The following ZSWIM5 variants were observed in gnomAD, a reference collection of about 807,000 sequenced individuals.
The protein encoded by ZSWIM5 is zinc finger SWIM-type containing 5, also known as zinc finger SWIM domain-containing protein 5.
A neutral mutation model predicts 119.6 loss-of-function variants in ZSWIM5; 55 were observed. The ratio of observed to expected loss-of-function variants is 0.46; its 90% CI spans 0.37 to 0.58. The LOEUF is 0.58. Ranked by LOEUF, ZSWIM5 falls within the 20% of genes least tolerant of loss-of-function variation. ZSWIM5 has a pLI of 0.00. For missense variants in ZSWIM5, 1,193 were observed against 1,512.8 expected (o/e 0.79, Z 3.51); for synonymous variants, 537 against 606.9 (o/e 0.88, Z 1.69).
chr1:45,024,472 G>A (rs1247313745), intron 11 of ZSWIM5, among the ~76,000 whole-genome samples: 3 of 151,876 alleles, frequency 2.0e-5, no homozygotes, highest in East Asian at 3.9e-4. Flanking sequence ...GATTACAGGC[G>A]TGAGCCACTG....
At chr1:45,111,708 G>A (rs950663889) in intron 1 of ZSWIM5, among the ~76,000 whole-genome samples, 17 of 152,220 alleles carry the variant, frequency 1.1e-4, no homozygotes, top group African/African-American at 4.1e-4. Flanking sequence ...ATCTTACGCT[G>A]TATCAATCTG....
rs139548010 is a variant in ZSWIM5 at position 45,048,033 on chromosome 1, G to GTTTCTTTCTTTCTTTC, written c.1432+3025_1432+3040dup. Among the ~76,000 whole-genome samples, 112 of 128,224 alleles carry GTTTCTTTCTTTCTTTC rather than the reference G, an allele frequency of 8.7e-4. 2 individuals carry two copies. The highest frequency in any genetic ancestry group is 1.6e-3 in the African/African-American group (55 of 34,580). The allele number at this position is 128,224 out of a possible 152,430, so 84.1% of individuals were successfully genotyped here. A position where few individuals can be genotyped will look rare whatever the true frequency, so the allele number is the denominator to read the frequency against. ...TAAAATAAGACCAGTTATTATGGTT[G>GTTTCTTTCTTTCTTTC]TTTCTTTCTTTCTTTCTTTCTTTCT... On this transcript the variant is annotated intron_variant, in intron 5 of 13. Transcript: ENST00000359600.
chr1:45,160,836 T>C (rs1244230223), intron 1 of ZSWIM5, among the ~76,000 whole-genome samples: 2 of 149,972 alleles, frequency 1.3e-5, no homozygotes, highest in African/African-American at 4.9e-5. Flanking sequence ...TTTTTTTTTT[T>C]TTTTAGACGG....
chr1:45,070,304 GAAGT>G (rs775772657), intron 2 of ZSWIM5: 22 of 1,437,908 alleles, frequency 1.5e-5, no homozygotes, highest in Non-Finnish European at 2.2e-5. Context: ...TGGTGATGAG[GAAGT>G]AAGACGCCAC....
chr1:45,058,875 A>G, intron 3 of ZSWIM5, 116 bp from the exon 4 acceptor site: 1 of 1,192,014 alleles, frequency 8.4e-7, no homozygotes, highest in East Asian at 2.3e-5. Context: ...CATATCCAAA[A>G]GAGCCAGAAA....
chr1:45,175,181 G>T (rs1437291857), intron 1 of ZSWIM5, among the ~76,000 whole-genome samples: 2 of 152,098 alleles, frequency 1.3e-5, no homozygotes, highest in East Asian at 3.9e-4. Context: ...AGTAGTGCCT[G>T]TTATTTCATC....
chr1:45,180,239 G>A (rs1376495910), intron 1 of ZSWIM5, among the ~76,000 whole-genome samples: 1 of 152,144 alleles, frequency 6.6e-6, no homozygotes, highest in Non-Finnish European at 1.5e-5. Flanking sequence ...CGAATACTGC[G>A]CTTTTCCGAC....
At chr1:45,098,972 C>T (rs549987526) in intron 1 of ZSWIM5, among the ~76,000 whole-genome samples, 29 of 152,278 alleles carry the variant, frequency 1.9e-4, no homozygotes, top group African/African-American at 6.3e-4. Flanking sequence ...GACACCTTAA[C>T]ATCACAATTA....
intron 1 of ZSWIM5, among the ~76,000 whole-genome samples, chr1:45,148,811 A>G (rs1463588946): frequency 6.6e-6 from 1 of 152,260 alleles, no homozygotes. Flanking sequence ...CCTCAAAGGT[A>G]GACACTGAAC....
At chr1:45,074,579 T>A (rs1396392162) in intron 2 of ZSWIM5, among the ~76,000 whole-genome samples, 1 of 151,948 alleles carries the variant, frequency 6.6e-6, no homozygotes, top group African/African-American at 2.4e-5. Context: ...GTCTCCTTTT[T>A]CATCTCTGAT....
At chr1:45,171,006 C>T (rs898789223) in intron 1 of ZSWIM5, among the ~76,000 whole-genome samples, 12 of 152,064 alleles carry the variant, frequency 7.9e-5, no homozygotes, top group Non-Finnish European at 1.5e-4. Context: ...ATAGTAATTA[C>T]ATTTATTTCA....
chr1:45,155,258 T>C (rs568047852), intron 1 of ZSWIM5, among the ~76,000 whole-genome samples: 9 of 151,882 alleles, frequency 5.9e-5, no homozygotes, highest in Admixed American at 3.3e-4. Flanking sequence ...GATATACAAA[T>C]GACAAACAAA....
chr1:45,199,569 G>A (rs1425362918), intron 1 of ZSWIM5, among the ~76,000 whole-genome samples: 3 of 152,130 alleles, frequency 2.0e-5, no homozygotes, highest in African/African-American at 7.2e-5. Context: ...AAAGTGCTGG[G>A]AGTGAGCCAC....
At chr1:45,162,916 C>A (rs994331496) in intron 1 of ZSWIM5, among the ~76,000 whole-genome samples, 6 of 152,358 alleles carry the variant, frequency 3.9e-5, no homozygotes, top group African/African-American at 1.4e-4. Flanking sequence ...GAACAAAAGG[C>A]AGCAGAAACT....
At chr1:45,104,067 T>C (rs928940966) in intron 1 of ZSWIM5, among the ~76,000 whole-genome samples, 1 of 152,174 alleles carries the variant, frequency 6.6e-6, no homozygotes, top group African/African-American at 2.4e-5. Context: ...CTGAGAAAGC[T>C]TCCTCTTGAA....
Position 45,060,104 on chromosome 1 carries a change from C to T in ZSWIM5, c.1096G>A (p.Ala366Thr). Residue 366 changes from alanine (A) to threonine (T), a missense_variant, in exon 3 of 14, where the codon GCC becomes ACC. Physicochemically the swap from Ala to Thr is moderately conservative, Grantham distance 58 (BLOSUM62 0). Around this residue, in one of 2 missense-constraint regions of ZSWIM5, gnomAD observed 961 missense variants for 1,290.0 expected, o/e 0.74. Coordinates refer to ENST00000359600, the MANE Select transcript of ZSWIM5 (RefSeq NM_020883.2). ...GSGKQLNSMF[A>T]KVREMLRMRD... ...AACACCTTTTCATATCTTACCTTGG[C>T]AAACATTGAGTTGAGTTGCTTTCCA... 6.2e-7 allele frequency: 1 copy of T among 1,614,134 alleles called. No individual in the cohort carries two copies. Among genetic ancestry groups the T allele is most frequent in the Non-Finnish European group, 8.5e-7 (1 of 1,180,002 alleles).
chr1:45,169,296 T>C (rs1409619698), intron 1 of ZSWIM5, among the ~76,000 whole-genome samples: 2 of 151,996 alleles, frequency 1.3e-5, no homozygotes, highest in Non-Finnish European at 2.9e-5. Flanking sequence ...CAATCTTATA[T>C]AAATGAGATA....
chr1:45,123,191 G>A (rs1645603380), intron 1 of ZSWIM5, among the ~76,000 whole-genome samples: 1 of 152,020 alleles, frequency 6.6e-6, no homozygotes, highest in African/African-American at 2.4e-5. Flanking sequence ...ATAATATAAT[G>A]CCCCAAATGT....
intron 1 of ZSWIM5, among the ~76,000 whole-genome samples, chr1:45,177,717 C>A (rs575516263): frequency 2.2e-4 from 34 of 152,142 alleles, no homozygotes; most frequent in Admixed American, 1.8e-3. Context: ...ATTTCATTTT[C>A]TCTCACTCTT....
Sources: gnomAD v4.1 joint callset for allele counts (sites outside exome capture counted in the v4.1 genomes callset) on GRCh38, gnomAD v4.1.1 for gene constraint, gnomAD v4.1.1 regional missense constraint, MANE v1.5 for transcripts, NCBI Gene and HGNC (gene_info 2026-07-23, HGNC 2026-07-21) for gene names.